The following GALNT13 variants were observed in gnomAD, a reference collection of about 807,000 sequenced individuals.
GALNT13 encodes the protein UDP-GalNAc:polypeptide N-acetylgalactosaminyltransferase 13.
Under a neutral mutation model 64.2 loss-of-function variants are expected in GALNT13, and 28 were observed. The observed-to-expected ratio is 0.44, with a 90% CI of 0.32 to 0.60. GALNT13 has a LOEUF of 0.60. Ranked by LOEUF, GALNT13 falls within the 20% of genes least tolerant of loss-of-function variation. GALNT13 has a pLI of 0.05. For missense variants in GALNT13, 577 were observed against 669.8 expected (o/e 0.86, Z 1.53); for synonymous variants, 214 against 224.6 (o/e 0.95, Z 0.42).
chr2:153,254,851 T>G, the GALNT13 span, among the ~76,000 whole-genome samples: 2 of 152,234 alleles, frequency 1.3e-5, no homozygotes, highest in African/African-American at 4.8e-5. Context: ...TTATAATTTC[T>G]GTTCTTTTAC....
chr2:153,721,856 T>C, the GALNT13 span, among the ~76,000 whole-genome samples: 1 of 151,326 alleles, frequency 6.6e-6, no homozygotes, highest in African/African-American at 2.5e-5. Context: ...ACAATAATAA[T>C]CGGAGACTTT....
At chr2:153,274,945 G>A in the GALNT13 span, among the ~76,000 whole-genome samples, 431 of 152,232 alleles carry the variant, frequency 2.8e-3, 9 homozygotes, top group East Asian at 0.043. Context: ...GTTAGGCTTA[G>A]CATATTATGC....
intron 2 of GALNT13, among the ~76,000 whole-genome samples, chr2:153,939,018 T>C (rs1691149051): frequency 6.6e-6 from 1 of 152,098 alleles, no homozygotes; most frequent in Admixed American, 6.6e-5. Context: ...CCTGTTCTCA[T>C]ATAGCTTACC....
the GALNT13 span, among the ~76,000 whole-genome samples, chr2:153,334,661 T>A: frequency 1.3e-5 from 2 of 152,246 alleles, no homozygotes; most frequent in Non-Finnish European, 2.9e-5. Flanking sequence ...AAGATATGAA[T>A]TATTTCTTTA....
the GALNT13 span, among the ~76,000 whole-genome samples, chr2:153,347,643 CT>C: frequency 6.6e-6 from 1 of 152,106 alleles, no homozygotes; most frequent in African/African-American, 2.4e-5. Context: ...GCCTAGTATA[CT>C]AGAAGTCATG....
chr2:154,433,736 C>G (rs545823906), intron 11 of GALNT13, among the ~76,000 whole-genome samples: 7 of 97,910 alleles, frequency 7.1e-5, no homozygotes, highest in African/African-American at 2.8e-4. Context: ...CCAAGGTGAT[C>G]TAAACAGGTT....
At chr2:153,320,058 C>T in the GALNT13 span, among the ~76,000 whole-genome samples, 3 of 152,230 alleles carry the variant, frequency 2.0e-5, no homozygotes, top group East Asian at 3.9e-4. Flanking sequence ...ATACATATAA[C>T]TGGGTTGCAC....
the GALNT13 span, among the ~76,000 whole-genome samples, chr2:153,851,907 G>A: frequency 2.6e-5 from 4 of 152,108 alleles, no homozygotes; most frequent in Non-Finnish European, 4.4e-5. Flanking sequence ...TAGTACAAAG[G>A]CGGGGAGGGG....
intron 1 of GALNT13, among the ~76,000 whole-genome samples, chr2:153,884,466 A>T (rs1030509193): frequency 6.6e-6 from 1 of 151,828 alleles, no homozygotes; most frequent in African/African-American, 2.4e-5. Flanking sequence ...GGGGTTTACT[A>T]TATAAAGAAA....
chr2:153,540,240 T>C, the GALNT13 span, among the ~76,000 whole-genome samples: 1 of 152,196 alleles, frequency 6.6e-6, no homozygotes, highest in Non-Finnish European at 1.5e-5. Context: ...GCTCAGTCCA[T>C]GGCTTCAGAG....
intron 9 of GALNT13, among the ~76,000 whole-genome samples, chr2:154,344,226 T>G (rs1318913022): frequency 1.3e-5 from 2 of 152,116 alleles, no homozygotes; most frequent in African/African-American, 4.8e-5. Flanking sequence ...TTTACTAAAT[T>G]TAAAGAAAAT....
At chr2:153,343,427 G>T in the GALNT13 span, among the ~76,000 whole-genome samples, 1 of 151,978 alleles carries the variant, frequency 6.6e-6, no homozygotes, top group Non-Finnish European at 1.5e-5. Flanking sequence ...TCAGTGTTCT[G>T]CATACTAACC....
chr2:153,087,332 A>C, the GALNT13 span, among the ~76,000 whole-genome samples: 1 of 152,082 alleles, frequency 6.6e-6, no homozygotes, highest in Non-Finnish European at 1.5e-5. Flanking sequence ...TATGAAACCC[A>C]CTTGATCATG....
chr2:153,141,054 C>G, the GALNT13 span, among the ~76,000 whole-genome samples: 1 of 132,004 alleles, frequency 7.6e-6, no homozygotes, highest in South Asian at 2.6e-4. Flanking sequence ...CAAAGAGAAC[C>G]ATTAATCTTT....
chr2:153,158,547 A>T, the GALNT13 span, among the ~76,000 whole-genome samples: 1 of 152,094 alleles, frequency 6.6e-6, no homozygotes. Context: ...TTACGAGAGG[A>T]TTCAAGCAGA....
the GALNT13 span, among the ~76,000 whole-genome samples, chr2:153,649,952 G>T: frequency 1.3e-5 from 2 of 152,140 alleles, no homozygotes; most frequent in African/African-American, 2.4e-5. Context: ...TTGATTTGGG[G>T]TGCAGAGTCT....
At chr2:154,320,656 G>A (rs1374665219) in intron 9 of GALNT13, among the ~76,000 whole-genome samples, 3 of 152,152 alleles carry the variant, frequency 2.0e-5, no homozygotes, top group Admixed American at 1.3e-4. Flanking sequence ...TGTCCTCCAT[G>A]ACTGACCTTC....
chr2:154,210,695 A>G (rs1687708910), intron 4 of GALNT13, among the ~76,000 whole-genome samples: 1 of 152,188 alleles, frequency 6.6e-6, no homozygotes, highest in Admixed American at 6.5e-5. Context: ...TTAATTTTTA[A>G]AATACCATTT....
chr2:153,082,664 CAT>C, the GALNT13 span, among the ~76,000 whole-genome samples: 14 of 91,030 alleles, frequency 1.5e-4, no homozygotes, highest in Admixed American at 2.4e-4. Context: ...CACACACACA[CAT>C]ATATATAATT....
Sources: allele counts gnomAD v4.1 joint callset (sites outside exome capture counted in the v4.1 genomes callset), GRCh38; gene constraint gnomAD v4.1.1; transcripts MANE v1.5; gene names NCBI Gene and HGNC (gene_info 2026-07-23, HGNC 2026-07-21).